Variants in OSBP2 observed in about 807,000 individuals in gnomAD.
OSBP2 encodes oxysterol-binding protein 2.
A neutral mutation model predicts 96.0 loss-of-function variants in OSBP2; 66 were observed. The observed-to-expected ratio is 0.69, with a 90% CI of 0.56 to 0.84. OSBP2 has a LOEUF of 0.84. Among genes scored for constraint, OSBP2 ranks in the 40% least tolerant of loss-of-function variants. The probability of loss-of-function intolerance (pLI) is 0.00; values close to 1 mark genes in which losing one functional copy is unlikely to be tolerated. For synonymous variants in OSBP2, 525 were observed against 520.9 expected, an observed-to-expected ratio of 1.01 and a Z score of -0.11; for missense variants, 1,038 against 1,222.7, an observed-to-expected ratio of 0.85 and a Z score of 2.25.
At chr22:30,748,351 G>A (rs999521099) in intron 2 of OSBP2, among the ~76,000 whole-genome samples, 1 of 152,114 alleles carries the variant, frequency 6.6e-6, no homozygotes, top group Non-Finnish European at 1.5e-5. Context: ...GATTACAGGT[G>A]TGACCCACTG....
chr22:30,717,090 T>TTTGTGTG (rs71328866), intron 1 of OSBP2, among the ~76,000 whole-genome samples: 9 of 118,410 alleles, frequency 7.6e-5, no homozygotes, highest in African/African-American at 2.9e-4. Flanking sequence ...TTTACTGTTT[T>TTTGTGTG]TGTGTGTGTG....
intron 2 of OSBP2, among the ~76,000 whole-genome samples, chr22:30,786,223 A>G (rs1258679020): frequency 6.6e-6 from 1 of 152,062 alleles, no homozygotes; most frequent in African/African-American, 2.4e-5. Context: ...GAGTTTCACT[A>G]TGTTGGCCAG....
chr22:30,872,227 G>A, intron 3 of OSBP2: 1 of 456,474 alleles, frequency 2.2e-6, no homozygotes, highest in Non-Finnish European at 4.4e-6. Flanking sequence ...AGACCAGATT[G>A]CTGTACTTCT....
At chr22:30,872,548 G>T (rs1295117597) in intron 3 of OSBP2, 2 of 362,068 alleles carry the variant, frequency 5.5e-6, no homozygotes, top group Admixed American at 7.1e-5. Context: ...GGTTGGTCAC[G>T]ATTCCTTTCT....
Position 30,778,335 on chromosome 22 carries a change from C to CA in OSBP2, c.853+36966_853+36967insA, listed in dbSNP as rs1569119589. Among the ~76,000 whole-genome samples the CA allele has an allele frequency of 4.0e-4, 40 of 100,670 alleles. No individual in the cohort carries two copies. The East Asian group carries it at 5.9e-3, about 15-fold the overall frequency. 66.0% of individuals were successfully genotyped at this position (100,670 alleles called of 152,430 possible). A position where few individuals can be genotyped will look rare whatever the true frequency, so the allele number is the denominator to read the frequency against. On this transcript the variant is annotated intron_variant, in intron 2 of 13. Transcript: ENST00000332585. ...CACACACACACACACACACACACAC[C>CA]CACTGACAGCGCTGTGGCCACCACC... is the stretch of plus-strand genomic sequence containing the variant.
At position 30,887,475 on chromosome 22, in the gene OSBP2, A is replaced by G. The variant is rs772099698; in HGVS notation, c.1157A>G (p.Gln386Arg). The G allele has an allele frequency of 6.2e-7, 1 of 1,613,900 alleles. No homozygotes were observed. Among genetic ancestry groups the G allele is most frequent in the South Asian group, 1.1e-5 (1 of 91,086 alleles). ...ELAEIHSRKW[Q>R]RALQYEQEQR... ...GCAGAGATACACAGTCGGAAATGGC[A>G]GCGGGCACTGCAGTATGAGCAGGAG... Residue 386 changes from glutamine to arginine, a missense_variant, in exon 4 of 14, where the codon CAG becomes CGG. By Grantham distance (43) the Gln-to-Arg change is conservative. Transcript: ENST00000332585.
In OSBP2 at chr22:30,739,537, C is replaced by T. The variant is rs529655626; in HGVS notation, c.645-1624C>T. Among the ~76,000 whole-genome samples the T allele has an allele frequency of 8.4e-4, 128 of 152,030 alleles. No homozygotes were observed. The Middle Eastern group carries it at 0.014, about 16-fold the overall frequency. The stretch of plus-strand genomic sequence containing the variant: ...TCACCCAGGCTGGAGTGTAGTGGCA[C>T]CATTTTGGCTCACTGCAACCTCCGC... On this transcript the variant is annotated intron_variant, in intron 1 of 13. Coordinates refer to ENST00000332585, the MANE Select transcript of OSBP2 (RefSeq NM_030758.4).
chr22:30,863,845 G>T (rs968516062), intron 2 of OSBP2, among the ~76,000 whole-genome samples: 5 of 152,208 alleles, frequency 3.3e-5, no homozygotes, highest in Non-Finnish European at 7.3e-5. Context: ...TGCCTGCTGT[G>T]GGGAGTGGGG....
intron 2 of OSBP2, among the ~76,000 whole-genome samples, chr22:30,856,374 T>C (rs35765634): frequency 5.8e-5 from 1 of 17,364 alleles, no homozygotes; most frequent in Non-Finnish European, 9.3e-5. Context: ...AGAGCCCTTC[T>C]TTTTTTTTTT....
chr22:30,860,005 C>A (rs2039178424), intron 2 of OSBP2, among the ~76,000 whole-genome samples: 1 of 152,162 alleles, frequency 6.6e-6, no homozygotes, highest in African/African-American at 2.4e-5. Flanking sequence ...AGGGATGGAG[C>A]TGGAACTTGC....
chr22:30,725,656 G>T (rs1177668874), intron 1 of OSBP2, among the ~76,000 whole-genome samples: 1 of 151,950 alleles, frequency 6.6e-6, no homozygotes, highest in African/African-American at 2.4e-5. Flanking sequence ...CCCTTTCCTG[G>T]CTGTAAAATG....
chr22:30,827,971 A>C (rs2038438920), intron 2 of OSBP2, among the ~76,000 whole-genome samples: 1 of 152,220 alleles, frequency 6.6e-6, no homozygotes, highest in African/African-American at 2.4e-5. Context: ...CCCAGCATTT[A>C]ACCGCGTGTT....
intron 7 of OSBP2, among the ~76,000 whole-genome samples, chr22:30,889,947 G>T (rs2039907662): frequency 6.6e-6 from 1 of 152,184 alleles, no homozygotes; most frequent in South Asian, 2.1e-4. Context: ...CCGATCTGTA[G>T]ATGGGGAGTG....
intron 1 of OSBP2, among the ~76,000 whole-genome samples, chr22:30,708,513 G>T (rs2089293493): frequency 3.5e-5 from 3 of 85,270 alleles, no homozygotes; most frequent in Admixed American, 1.9e-4. Flanking sequence ...TTTTGAGACA[G>T]AGTCTTGCTC....
At position 30,889,253 on chromosome 22, in the gene OSBP2, T is replaced by C. The variant is rs2039888770; in HGVS notation, c.1476+19T>C. Reference sequence around the variant, plus strand: ...AGACAATGTAAGTGAGGGGGAGCACTGTAAGGGCCAGAAGGCAGCTTCTGG... The same window carrying C: ...AGACAATGTAAGTGAGGGGGAGCACCGTAAGGGCCAGAAGGCAGCTTCTGG... On this transcript the variant is annotated intron_variant, in intron 6 of 13. Coordinates refer to ENST00000332585, the MANE Select transcript of OSBP2 (RefSeq NM_030758.4). The C allele has an allele frequency of 1.2e-6, 2 of 1,608,602 alleles. No homozygotes were observed. The highest frequency in any genetic ancestry group is 1.7e-5 in the Admixed American group (1 of 59,492).
intron 12 of OSBP2, among the ~76,000 whole-genome samples, chr22:30,897,591 T>C (rs1351335475): frequency 6.6e-6 from 1 of 152,182 alleles, no homozygotes; most frequent in Non-Finnish European, 1.5e-5. Flanking sequence ...AAATAACTCA[T>C]AGGCAAAATA....
At position 30,893,543 on chromosome 22, in the gene OSBP2, G is replaced by A. The variant is rs1164597850; in HGVS notation, c.2071G>A (p.Val691Met). ...KSTSTVHNIIVGKLWIDQSGD... is the reference protein window; with the variant it reads ...KSTSTVHNIIMGKLWIDQSGD... ...CACCTCAACTGTTCACAACATCATCGTGGGCAAGCTCTGGATCGACCAGGT... is the reference window on the plus strand; with the variant it reads ...CACCTCAACTGTTCACAACATCATCATGGGCAAGCTCTGGATCGACCAGGT... The change falls in exon 10 of 14, where the codon GTG becomes ATG. Residue 691 changes from valine to methionine, a missense_variant. Around this residue, in one of 3 missense-constraint regions of OSBP2, gnomAD observed 737 missense variants for 913.3 expected, o/e 0.81. Coordinates refer to ENST00000332585, the MANE Select transcript of OSBP2 (RefSeq NM_030758.4). 5 of 1,614,168 alleles carry A rather than the reference G, an allele frequency of 3.1e-6. No individual in the cohort carries two copies. Among genetic ancestry groups the A allele is most frequent in the South Asian group, 1.1e-5 (1 of 91,080 alleles).
chr22:30,850,685 G>A (rs2038963061), intron 2 of OSBP2, among the ~76,000 whole-genome samples: 1 of 152,098 alleles, frequency 6.6e-6, no homozygotes, highest in Admixed American at 6.6e-5. Flanking sequence ...TTTTAATAGA[G>A]GCAGGGTTTC....
At position 30,895,465 on chromosome 22, in the gene OSBP2, T is replaced by TTTTAGTCAAGGATAAAGAA. The variant is rs2040042682; in HGVS notation, c.2375+1467_2375+1485dup. On this transcript the variant is annotated intron_variant, in intron 12 of 13. Coordinates refer to ENST00000332585, the MANE Select transcript of OSBP2 (RefSeq NM_030758.4). The stretch of plus-strand genomic sequence containing the variant: ...ATAGCTTCCAGGGAGGAGCAAAAGA[T>TTTTAGTCAAGGATAAAGAA]TTTAGTCAAGGATAAAGAATTAGAC... Among the ~76,000 whole-genome samples, 22 of 152,324 alleles carry TTTTAGTCAAGGATAAAGAA rather than the reference T, an allele frequency of 1.4e-4. No homozygotes were observed. The South Asian group carries it at 4.3e-3, about 30-fold the overall frequency.
Sources: allele counts gnomAD v4.1 joint callset (sites outside exome capture counted in the v4.1 genomes callset), GRCh38; gene constraint gnomAD v4.1.1; regional missense constraint gnomAD v4.1.1; transcripts MANE v1.5; gene names NCBI Gene and HGNC (gene_info 2026-07-23, HGNC 2026-07-21).